The following DARS2 variants were observed in gnomAD, a reference collection of about 807,000 sequenced individuals.
DARS2 encodes aspartyl-tRNA synthetase 2, mitochondrial, also known as aspartate--tRNA ligase, mitochondrial.
DARS2 carries 63 observed loss-of-function variants against 83.0 expected under a neutral mutation model. That is an observed-to-expected ratio of 0.76 (90% confidence interval 0.62 to 0.94). DARS2 has a LOEUF of 0.94. Ranked by LOEUF, DARS2 falls within the 40% of genes least tolerant of loss-of-function variation. DARS2 has a pLI of 0.00. For missense variants in DARS2, 675 were observed against 774.4 expected, an observed-to-expected ratio of 0.87 and a Z score of 1.52; for synonymous variants, 250 against 269.3, an observed-to-expected ratio of 0.93 and a Z score of 0.70.
At chr1:173,826,092 C>T (rs909180545) in intron 1 of DARS2, among the ~76,000 whole-genome samples, 11 of 151,742 alleles carry the variant, frequency 7.2e-5, no homozygotes, top group African/African-American at 1.9e-4. Context: ...GGCGTGGTGG[C>T]GGGCGCCTGT....
At chr1:173,853,614 G>A (rs1292749130) in intron 14 of DARS2, 47 bp downstream of exon 14, 4 of 1,604,874 alleles carry the variant, frequency 2.5e-6, no homozygotes, top group African/African-American at 2.7e-5. Context: ...GTATATAAAG[G>A]CAAAGAACTT....
intron 15 of DARS2, among the ~76,000 whole-genome samples, chr1:173,856,202 T>A (rs142217869): frequency 1.3e-5 from 2 of 152,342 alleles, no homozygotes; most frequent in Non-Finnish European, 2.9e-5. Context: ...CATTTCTACA[T>A]GTACTGCCCC....
chr1:173,853,642 T>G (rs1329092329), intron 14 of DARS2, 75 bp downstream of exon 14: 2 of 1,558,628 alleles, frequency 1.3e-6, no homozygotes, highest in African/African-American at 2.7e-5. Flanking sequence ...CAAGGTCTGA[T>G]GAAAGATAGG....
At chr1:173,834,418 A>G in intron 6 of DARS2, 55 bp from the exon 7 acceptor site, 1 of 1,333,536 alleles carries the variant, frequency 7.5e-7, no homozygotes, top group Non-Finnish European at 1.1e-6. Context: ...TGGACATCAT[A>G]TATGACAAAT....
rs760503098 is a variant in DARS2 at position 173,833,386 on chromosome 1, C to G, written c.503C>G (p.Ala168Gly). ...TTTCAATTTCTTTAGAAAACAGAGG[C>G]TCTTCGGTTGCAGTATCGCTACTTA... ...EIKNFVKKTE[A>G]LRLQYRYLDL... The change falls in exon 6 of 17, where the codon GCT becomes GGT. Residue 168 changes from alanine to glycine, a missense_variant. By Grantham distance (60) the Ala-to-Gly change is moderately conservative. Transcript: ENST00000649689. 9.3e-6 allele frequency: 15 copies of G among 1,604,376 alleles called. No individual in the cohort carries two copies. The African/African-American group carries it at 1.9e-4, about 20-fold the overall frequency.
intron 1 of DARS2, 101 bp from the exon 2 acceptor site, chr1:173,826,584 CAT>C (rs1428606701): frequency 2.6e-5 from 20 of 779,976 alleles, no homozygotes; most frequent in Non-Finnish European, 4.2e-5. Flanking sequence ...GTAGCCCTGA[CAT>C]ACCTAAGATA....
intron 13 of DARS2, 117 bp from the exon 14 acceptor site, chr1:173,853,232 A>G (rs1653739175): frequency 3.1e-6 from 3 of 959,372 alleles, no homozygotes; most frequent in East Asian, 2.4e-5. Flanking sequence ...AGGGCATCCT[A>G]TCTGTTAATT....
intron 2 of DARS2, among the ~76,000 whole-genome samples, chr1:173,827,565 A>G (rs1652631813): frequency 6.6e-6 from 1 of 152,018 alleles, no homozygotes; most frequent in Admixed American, 6.6e-5. Context: ...CAGAAGGCAG[A>G]GGTTGCAGTG....
chr1:173,839,773 T>A (rs1304767362), intron 10 of DARS2, among the ~76,000 whole-genome samples: 5 of 152,230 alleles, frequency 3.3e-5, no homozygotes, highest in African/African-American at 1.2e-4. Context: ...AGATTCTTGC[T>A]ATAAAGTTTT....
chr1:173,832,993 C>T (rs186989105), intron 5 of DARS2, among the ~76,000 whole-genome samples: 24 of 152,182 alleles, frequency 1.6e-4, no homozygotes, highest in Non-Finnish European at 2.9e-4. Context: ...ACCTCAGCAT[C>T]CCAAGTAGCT....
chr1:173,852,498 TTTTTTTA>T (rs1274119286), intron 13 of DARS2, among the ~76,000 whole-genome samples: 1 of 152,122 alleles, frequency 6.6e-6, no homozygotes, highest in Non-Finnish European at 1.5e-5. Context: ...CACTCTTATT[TTTTTTTA>T]TTTTTTATTT....
At chr1:173,850,510 T>A in intron 13 of DARS2, 31 bp downstream of exon 13, 1 of 1,607,588 alleles carries the variant, frequency 6.2e-7, no homozygotes, top group Non-Finnish European at 8.5e-7. Context: ...GCATCAGTGC[T>A]GTTGATGCTG....
chr1:173,841,954 T>G (rs992618440), intron 11 of DARS2, among the ~76,000 whole-genome samples: 14 of 152,174 alleles, frequency 9.2e-5, no homozygotes, highest in Non-Finnish European at 1.8e-4. Context: ...CCATTGCATG[T>G]TGATTCTTTA....
At chr1:173,839,584 T>C (rs1653133870) in intron 10 of DARS2, 38 bp downstream of exon 10, 3 of 1,588,072 alleles carry the variant, frequency 1.9e-6, no homozygotes, top group Non-Finnish European at 2.6e-6. Flanking sequence ...TGTCCCCAAA[T>C]AATCCTGCAG....
intron 4 of DARS2, among the ~76,000 whole-genome samples, chr1:173,831,244 G>T (rs1315373236): frequency 2.1e-5 from 3 of 145,390 alleles, no homozygotes; most frequent in Non-Finnish European, 4.5e-5. Flanking sequence ...GACGGGTCTT[G>T]CAGTATTACC....
intron 13 of DARS2, among the ~76,000 whole-genome samples, chr1:173,851,626 A>G (rs1055640724): frequency 2.0e-5 from 3 of 152,188 alleles, no homozygotes; most frequent in African/African-American, 7.2e-5. Flanking sequence ...GGAAGACTGA[A>G]TTAGCTTTAG....
intron 5 of DARS2, 68 bp downstream of exon 5, chr1:173,831,698 G>T: frequency 7.8e-7 from 1 of 1,275,016 alleles, no homozygotes; most frequent in South Asian, 1.2e-5. Context: ...AGTATTTTCA[G>T]AGTTTTTTAA....
intron 13 of DARS2, chr1:173,851,892 C>T (rs909843894): frequency 5.1e-6 from 5 of 985,376 alleles, no homozygotes; most frequent in Non-Finnish European, 6.0e-6. Flanking sequence ...TCCCCTTCCC[C>T]TACAATAGTA....
chr1:173,853,782 G>T lies in DARS2; in HGVS notation c.1564-13G>T. ...ACATTTTCTCTAACATAAAGTATCTGTGAATCTTCTAGGCCCGTAGCCAAC... is the reference window on the plus strand; with the variant it reads ...ACATTTTCTCTAACATAAAGTATCTTTGAATCTTCTAGGCCCGTAGCCAAC... On this transcript the variant is annotated splice_polypyrimidine_tract_variant and intron_variant, in intron 14 of 16. Transcript: ENST00000649689. 1.2e-6 allele frequency: 2 copies of T among 1,609,312 alleles called. No individual in the cohort carries two copies. The highest frequency in any genetic ancestry group is 1.7e-6 in the Non-Finnish European group (2 of 1,175,658).
Sources: allele counts gnomAD v4.1 joint callset (sites outside exome capture counted in the v4.1 genomes callset), GRCh38; gene constraint gnomAD v4.1.1; transcripts MANE v1.5; gene names NCBI Gene and HGNC (gene_info 2026-07-23, HGNC 2026-07-21).